The following OR10X1 variants were observed in gnomAD, a reference collection of about 807,000 sequenced individuals.
The protein encoded by OR10X1 is olfactory receptor 10X1.
For missense variants in OR10X1, 449 were observed against 387.0 expected (o/e 1.16, Z -1.34); for synonymous variants, 179 against 142.6 (o/e 1.26, Z -1.82).
chr1:158,579,702 C>T lies in OR10X1; in HGVS notation c.198G>A (p.Trp66Ter), dbSNP rs863362. ...TAGGGGTGTGGAGGGACCTGTCCAC[C>T]CAAGTTAGACCCATGATGATCAGAT... is the stretch of plus-strand genomic sequence containing the variant. ...AGNLIIMGLTWVDRSLHTPMY... is the reference protein window; with the variant it reads ...AGNLIIMGLT The change falls in exon 1 of 1, where the codon TGG becomes TGA. Residue 66 changes from tryptophan to a stop codon, truncating the protein, a stop_gained. Transcript: ENST00000623167. LOFTEE classifies it low-confidence loss of function (END_TRUNC). 0.47 allele frequency: 760,076 copies of T among 1,612,914 alleles called. 180,693 individuals carry two copies. Among genetic ancestry groups the T allele is most frequent in the East Asian group, 0.58 (26,084 of 44,820 alleles).
In OR10X1 at chr1:158,579,790, G is replaced by A. The variant is rs774730945; in HGVS notation, c.110C>T (p.Pro37Leu). Residue 37 changes from proline (P) to leucine (L), a missense_variant, in exon 1 of 1, where the codon CCA becomes CTA. Coordinates refer to ENST00000623167, the MANE Select transcript of OR10X1 (RefSeq NM_001004477.1). ...EFILVGFSVY[P>L]HVQTFLFVVF... ...CACAAAAAGAAATGTCTGTACATGTGGGTACACAGAAAAGCCAACAAGAAT... is the reference window on the plus strand; with the variant it reads ...CACAAAAAGAAATGTCTGTACATGTAGGTACACAGAAAAGCCAACAAGAAT... The A allele has an allele frequency of 1.2e-6, 2 of 1,614,014 alleles. No individual in the cohort carries two copies. The highest frequency in any genetic ancestry group is 1.7e-6 in the Non-Finnish European group (2 of 1,179,936).
In OR10X1 at chr1:158,579,605, C is replaced by T. The variant is rs762069956; in HGVS notation, c.295G>A (p.Glu99Lys). ...CTTCTGTCCTTGGCCAGTAGATCTT[C>T]CAGCATCTTGGGGACGATGGTCAGC... The part of the protein sequence containing the change: ...YTLTIVPKML[E>K]DLLAKDRSIS... Residue 99 changes from glutamate to lysine, a missense_variant, in exon 1 of 1, where the codon GAA (glutamate) becomes AAA (lysine). By Grantham distance (56) the Glu-to-Lys change is moderately conservative (BLOSUM62 1). Coordinates refer to ENST00000623167, the MANE Select transcript of OR10X1 (RefSeq NM_001004477.1). 3.7e-6 allele frequency: 6 copies of T among 1,614,056 alleles called. No individual in the cohort carries two copies. In the South Asian group the frequency reaches 6.6e-5, roughly 18 times the overall value.
rs776458184 is a variant in OR10X1, at chr1:158,579,717, G to T, written c.183C>A (p.Ile61=). 1 of 1,613,850 alleles carries T rather than the reference G, an allele frequency of 6.2e-7. No individual in the cohort carries two copies. Among genetic ancestry groups the T allele is most frequent in the African/African-American group, 1.3e-5 (1 of 74,930 alleles). The stretch of plus-strand genomic sequence containing the variant: ...ACCTGTCCACCCAAGTTAGACCCAT[G>T]ATGATCAGATTACCTGCAAGGGTGA... ...YLLTLAGNLI[I]MGLTWVDRSL... is the part of the protein sequence containing the mutation. Residue 61 remains isoleucine, a synonymous_variant, in exon 1 of 1, where the codon ATC becomes ATA. Transcript: ENST00000623167.
rs1648423540 is a variant in OR10X1, at chr1:158,579,460, C to A, written c.440G>T (p.Arg147Ile). Residue 147 changes from arginine (R) to isoleucine (I), a missense_variant, in exon 1 of 1, where the codon AGA (arginine) becomes ATA (isoleucine). Arg to Ile is a moderately conservative substitution (Grantham distance 97). Coordinates refer to ENST00000623167, the MANE Select transcript of OR10X1 (RefSeq NM_001004477.1). ...AATGTTGGTCATAAGCAGTGGATAT[C>A]TTAGAGGGTTACAGATGGCCAGGAA... Reference protein sequence around the residue: ...DRFLAICNPLRYPLLMTNIVC... With the variant: ...DRFLAICNPLIYPLLMTNIVC... 6.2e-7 allele frequency: 1 copy of A among 1,613,900 alleles called. No individual in the cohort carries two copies. The highest frequency in any genetic ancestry group is 1.7e-5 in the Admixed American group (1 of 59,990).
In OR10X1 at chr1:158,579,389, T is replaced by C. The variant is rs768171051; in HGVS notation, c.511A>G (p.Ile171Val). 1.9e-6 allele frequency: 3 copies of C among 1,613,794 alleles called. No individual in the cohort carries two copies. The highest frequency in any genetic ancestry group is 2.5e-6 in the Non-Finnish European group (3 of 1,179,980). ...ATCAGTGCAGTCTCTGTAAGAGAGA[T>C]AAAGAAGCCTGCAGTGCAAGCAGAG... The part of the protein sequence containing the change: ...VASACTAGFF[I>V]SLTETALIFR... Residue 171 changes from isoleucine (I) to valine (V), a missense_variant, in exon 1 of 1, where the codon ATC becomes GTC. Coordinates refer to ENST00000623167, the MANE Select transcript of OR10X1 (RefSeq NM_001004477.1).
At position 158,578,921 on chromosome 1, in the gene OR10X1, A is replaced by AT. The variant is rs1648406821; in HGVS notation, c.978dup (p.Ter327IlefsTer?). 1 of 1,576,554 alleles carries AT rather than the reference A, an allele frequency of 6.3e-7. No individual in the cohort carries two copies. The highest frequency in any genetic ancestry group is 8.6e-7 in the Non-Finnish European group (1 of 1,164,974). ...AAACAAGCAGCAACAACCCAAGATT[A>AT]TTTTTTCAAGGCAACTGTGTTTCCC... On this transcript the variant is annotated frameshift_variant, in exon 1 of 1. Transcript: ENST00000623167. LOFTEE classifies it high-confidence loss of function.
In OR10X1 at chr1:158,579,682, G is replaced by A. The variant is rs1490665643; in HGVS notation, c.218C>T (p.Thr73Ile). ...GLTWVDRSLH[T>I]PMYLFLSALS... is the part of the protein sequence containing the mutation. Reference sequence around the variant, plus strand: ...TGCACTAAGGAAGAGATACATAGGGGTGTGGAGGGACCTGTCCACCCAAGT... The same window carrying A: ...TGCACTAAGGAAGAGATACATAGGGATGTGGAGGGACCTGTCCACCCAAGT... The change falls in exon 1 of 1, where the codon ACC (threonine) becomes ATC (isoleucine). Residue 73 changes from threonine (T) to isoleucine (I), a missense_variant. Transcript: ENST00000623167. 3 of 1,613,878 alleles carry A rather than the reference G, an allele frequency of 1.9e-6. No individual in the cohort carries two copies. In the African/African-American group the frequency reaches 4.0e-5, roughly 22 times the overall value.
At position 158,579,693 on chromosome 1, in the gene OR10X1, C is replaced by G. The variant is rs1648433548; in HGVS notation, c.207G>C (p.Arg69Ser). The G allele has an allele frequency of 6.2e-7, 1 of 1,613,802 alleles. No individual in the cohort carries two copies. The highest frequency in any genetic ancestry group is 1.1e-5 in the South Asian group (1 of 91,068). ...LIIMGLTWVD[R>S]SLHTPMYLFL... is the part of the protein sequence containing the mutation. ...AGAGATACATAGGGGTGTGGAGGGA[C>G]CTGTCCACCCAAGTTAGACCCATGA... Residue 69 changes from arginine (R) to serine (S), a missense_variant, in exon 1 of 1, where the codon AGG becomes AGC. Coordinates refer to ENST00000623167, the MANE Select transcript of OR10X1 (RefSeq NM_001004477.1).
rs779971298 is a variant in OR10X1, at chr1:158,579,703, C to T, written c.197G>A (p.Trp66Ter). 4.3e-6 allele frequency: 7 copies of T among 1,613,826 alleles called. No homozygotes were observed. In the East Asian group the frequency reaches 1.3e-4, roughly 31 times the overall value. The change falls in exon 1 of 1, where the codon TGG becomes TAG. Residue 66 changes from tryptophan to a stop codon, truncating the protein, a stop_gained. Transcript: ENST00000623167. LOFTEE classifies it low-confidence loss of function (END_TRUNC). ...AGNLIIMGLT[W>*]VDRSLHTPMY... ...AGGGGTGTGGAGGGACCTGTCCACC[C>T]AAGTTAGACCCATGATGATCAGATT...
In OR10X1 at chr1:158,579,373, G is replaced by A. The variant is rs1319088263; in HGVS notation, c.527C>T (p.Thr176Ile). Residue 176 changes from threonine (T) to isoleucine (I), a missense_variant, in exon 1 of 1, where the codon ACT (threonine) becomes ATT (isoleucine). Coordinates refer to ENST00000623167, the MANE Select transcript of OR10X1 (RefSeq NM_001004477.1). ...GAAAGAGTCCCTGAATATCAGTGCA[G>A]TCTCTGTAAGAGAGATAAAGAAGCC... Reference protein sequence around the residue: ...TAGFFISLTETALIFRDSFCR... With the variant: ...TAGFFISLTEIALIFRDSFCR... 3 of 1,613,932 alleles carry A rather than the reference G, an allele frequency of 1.9e-6. No individual in the cohort carries two copies. In the South Asian group the frequency reaches 3.3e-5, roughly 18 times the overall value.
chr1:158,579,359 T>C lies in OR10X1; in HGVS notation c.541A>G (p.Arg181Gly). ...ISLTETALIF[R>G]DSFCRPNLVK... is the part of the protein sequence containing the mutation. ...AGGTTGGGTCTGCAGAAAGAGTCCC[T>C]GAATATCAGTGCAGTCTCTGTAAGA... Residue 181 changes from arginine (R) to glycine (G), a missense_variant, in exon 1 of 1, where the codon AGG becomes GGG. Physicochemically the swap from Arg to Gly is moderately radical, Grantham distance 125. Transcript: ENST00000623167. 6.2e-7 allele frequency: 1 copy of C among 1,613,944 alleles called. No individual in the cohort carries two copies. Among genetic ancestry groups the C allele is most frequent in the Non-Finnish European group, 8.5e-7 (1 of 1,179,952 alleles).
chr1:158,579,505 G>C lies in OR10X1; in HGVS notation c.395C>G (p.Thr132Ser). Reference sequence around the variant, plus strand: ...CAGGAAGCGGTCATATCCCATCAAAGTGAGAATGATACAGTTTGTGCCACC... The same window carrying C: ...CAGGAAGCGGTCATATCCCATCAAACTGAGAATGATACAGTTTGTGCCACC... ...GLGGTNCIIL[T>S]LMGYDRFLAI... Residue 132 changes from threonine to serine, a missense_variant, in exon 1 of 1, where the codon ACT (threonine) becomes AGT (serine). Transcript: ENST00000623167. The C allele has an allele frequency of 6.2e-7, 1 of 1,614,090 alleles. No homozygotes were observed. Among genetic ancestry groups the C allele is most frequent in the Non-Finnish European group, 8.5e-7 (1 of 1,179,988 alleles).
chr1:158,579,213 G>T lies in OR10X1; in HGVS notation c.687C>A (p.Leu229=). The part of the protein sequence containing the change: ...SVSGLLGTLL[L]IILTDVFIIS... ...TAATGAAGACATCAGTCAGGATGAT[G>T]AGCAGAAGGGTACCCAGCAAACCAG... The change falls in exon 1 of 1, where the codon CTC becomes CTA. Residue 229 remains leucine, a synonymous_variant. Coordinates refer to ENST00000623167, the MANE Select transcript of OR10X1 (RefSeq NM_001004477.1). 1 of 1,613,920 alleles carries T rather than the reference G, an allele frequency of 6.2e-7. No homozygotes were observed. The highest frequency in any genetic ancestry group is 1.1e-5 in the South Asian group (1 of 91,056).
At position 158,579,341 on chromosome 1, in the gene OR10X1, G is replaced by T. The variant is rs372495958; in HGVS notation, c.559C>A (p.Pro187Thr). The T allele has an allele frequency of 1.2e-6, 2 of 1,614,016 alleles. No individual in the cohort carries two copies. Among genetic ancestry groups the T allele is most frequent in the Non-Finnish European group, 8.5e-7 (1 of 1,179,992 alleles). Residue 187 changes from proline to threonine, a missense_variant, in exon 1 of 1, where the codon CCC becomes ACC. Physicochemically the swap from Pro to Thr is conservative, Grantham distance 38. Transcript: ENST00000623167. ...CAGAAGAAGTGTTTGACAAGGTTGG[G>T]TCTGCAGAAAGAGTCCCTGAATATC... Reference protein sequence around the residue: ...ALIFRDSFCRPNLVKHFFCHM... With the variant: ...ALIFRDSFCRTNLVKHFFCHM...
At position 158,579,738 on chromosome 1, in the gene OR10X1, G is replaced by C; in HGVS notation, c.162C>G (p.Thr54=). 6.2e-7 allele frequency: 1 copy of C among 1,613,928 alleles called. No individual in the cohort carries two copies. The highest frequency in any genetic ancestry group is 8.5e-7 in the Non-Finnish European group (1 of 1,179,916). Residue 54 remains threonine, a synonymous_variant, in exon 1 of 1, where the codon ACC becomes ACG. Coordinates refer to ENST00000623167, the MANE Select transcript of OR10X1 (RefSeq NM_001004477.1). ...CCATGATGATCAGATTACCTGCAAG[G>C]GTGAGAAGGTAGAGACAAAAGAAGA... ...FVVFFCLYLL[T]LAGNLIIMGL...
chr1:158,579,891 C>A lies in OR10X1; in HGVS notation c.9G>T (p.Leu3Phe). 7 of 1,580,864 alleles carry A rather than the reference C, an allele frequency of 4.4e-6. No individual in the cohort carries two copies. The highest frequency in any genetic ancestry group is 6.0e-6 in the Non-Finnish European group (7 of 1,168,014). Residue 3 changes from leucine (L) to phenylalanine (F), a missense_variant, in exon 1 of 1, where the codon TTG becomes TTT. By Grantham distance (22) the Leu-to-Phe change is conservative (BLOSUM62 0). Coordinates refer to ENST00000623167, the MANE Select transcript of OR10X1 (RefSeq NM_001004477.1). MV[L>F]NVYCCFFQIS... Reference sequence around the variant, plus strand: ...TTTGAAAGAAACAACAATAAACATTCAACACCATTATCTTTTGATACCATC... The same window carrying A: ...TTTGAAAGAAACAACAATAAACATTAAACACCATTATCTTTTGATACCATC...
chr1:158,578,998 A>C lies in OR10X1; in HGVS notation c.902T>G (p.Ile301Ser), dbSNP rs72698782. The change falls in exon 1 of 1, where the codon ATC (isoleucine) becomes AGC (serine). Residue 301 changes from isoleucine to serine, a missense_variant. Ile to Ser is a moderately radical substitution (Grantham distance 142). Transcript: ENST00000623167. ...YTVITPFLSP[I>S]IFSLRNKDMK... ...GTCCTTATTCCTCAGGCTGAATATGATGGGGCTGAGGAAGGGGGTAATGAC... is the reference window on the plus strand; with the variant it reads ...GTCCTTATTCCTCAGGCTGAATATGCTGGGGCTGAGGAAGGGGGTAATGAC... 4.3e-6 allele frequency: 7 copies of C among 1,613,456 alleles called. No homozygotes were observed. Among genetic ancestry groups the C allele is most frequent in the Admixed American group, 3.3e-5 (2 of 59,968 alleles).
chr1:158,579,751 A>T lies in OR10X1; in HGVS notation c.149T>A (p.Leu50His). ...QTFLFVVFFCLYLLTLAGNLI... is the reference protein window; with the variant it reads ...QTFLFVVFFCHYLLTLAGNLI... ...ATTACCTGCAAGGGTGAGAAGGTAGAGACAAAAGAAGACCACAAAAAGAAA... is the reference window on the plus strand; with the variant it reads ...ATTACCTGCAAGGGTGAGAAGGTAGTGACAAAAGAAGACCACAAAAAGAAA... Residue 50 changes from leucine (L) to histidine (H), a missense_variant, in exon 1 of 1, where the codon CTC becomes CAC. By Grantham distance (99) the Leu-to-His change is moderately conservative (BLOSUM62 -3). Coordinates refer to ENST00000623167, the MANE Select transcript of OR10X1 (RefSeq NM_001004477.1). 6.2e-7 allele frequency: 1 copy of T among 1,614,074 alleles called. No individual in the cohort carries two copies. The highest frequency in any genetic ancestry group is 2.2e-5 in the East Asian group (1 of 44,890).
Position 158,579,607 on chromosome 1 carries a change from A to G in OR10X1, c.293T>C (p.Leu98Pro). Residue 98 changes from leucine to proline, a missense_variant, in exon 1 of 1, where the codon CTG (leucine) becomes CCG (proline). Coordinates refer to ENST00000623167, the MANE Select transcript of OR10X1 (RefSeq NM_001004477.1). ...CYTLTIVPKM[L>P]EDLLAKDRSI... ...TCTGTCCTTGGCCAGTAGATCTTCC[A>G]GCATCTTGGGGACGATGGTCAGCGT... is the stretch of plus-strand genomic sequence containing the variant. The G allele has an allele frequency of 6.2e-7, 1 of 1,614,126 alleles. No homozygotes were observed. Among genetic ancestry groups the G allele is most frequent in the Non-Finnish European group, 8.5e-7 (1 of 1,179,994 alleles).
Sources: gnomAD v4.1 joint callset for allele counts on GRCh38, gnomAD v4.1.1 for gene constraint, MANE v1.5 for transcripts, NCBI Gene and HGNC (gene_info 2026-07-23, HGNC 2026-07-21) for gene names.